Variants in STARD13 observed in about 807,000 individuals in gnomAD.
STARD13 encodes stAR-related lipid transfer protein 13.
A neutral mutation model predicts 106.4 loss-of-function variants in STARD13; 62 were observed. That is an observed-to-expected ratio of 0.58 (90% CI 0.48 to 0.72). STARD13 has a LOEUF of 0.72. STARD13 is among the 30% of genes least tolerant of loss of function. STARD13 has a pLI of 0.00. For synonymous variants in STARD13, 565 were observed against 553.0 expected, an observed-to-expected ratio of 1.02 and a Z score of -0.31; for missense variants, 1,387 against 1,424.0, an observed-to-expected ratio of 0.97 and a Z score of 0.42.
intron 1 of STARD13, among the ~76,000 whole-genome samples, chr13:33,309,540 G>C (rs1393865399): frequency 6.6e-6 from 1 of 152,176 alleles, no homozygotes; most frequent in African/African-American, 2.4e-5. Flanking sequence ...CGCTATTGAG[G>C]CAGAAGGTTT....
intron 12 of STARD13, among the ~76,000 whole-genome samples, chr13:33,108,577 C>G (rs1016790497): frequency 7.9e-5 from 12 of 152,206 alleles, no homozygotes; most frequent in Admixed American, 2.0e-4. Context: ...CCCAAGAGAG[C>G]AGGAGAGGGG....
At chr13:33,669,936 T>G in the STARD13 span, among the ~76,000 whole-genome samples, 56 of 152,332 alleles carry the variant, frequency 3.7e-4, no homozygotes, top group African/African-American at 1.2e-3. Flanking sequence ...TTTACACTTG[T>G]GCAGATTTGA....
chr13:33,271,919 G>A (rs947756103), intron 1 of STARD13, among the ~76,000 whole-genome samples: 2 of 152,116 alleles, frequency 1.3e-5, no homozygotes, highest in African/African-American at 4.8e-5. Flanking sequence ...GAATAACGTG[G>A]GCTCCCAGAT....
At chr13:33,573,408 A>G in the STARD13 span, among the ~76,000 whole-genome samples, 2 of 152,184 alleles carry the variant, frequency 1.3e-5, no homozygotes, top group African/African-American at 4.8e-5. Context: ...TTGATGCTGT[A>G]TATATGCAAA....
At chr13:33,164,807 A>G (rs1883132535) in intron 3 of STARD13, among the ~76,000 whole-genome samples, 1 of 152,206 alleles carries the variant, frequency 6.6e-6, no homozygotes, top group Admixed American at 6.5e-5. Context: ...CTAATAGCTT[A>G]AATAGGCCAG....
intron 1 of STARD13, among the ~76,000 whole-genome samples, chr13:33,297,202 T>G (rs368594546): frequency 2.0e-5 from 3 of 152,376 alleles, no homozygotes; most frequent in African/African-American, 7.2e-5. Context: ...ATAATCACAC[T>G]GTGTCTTATA....
intron 3 of STARD13, among the ~76,000 whole-genome samples, chr13:33,147,641 C>T (rs1880727625): frequency 6.6e-6 from 1 of 152,038 alleles, no homozygotes; most frequent in Non-Finnish European, 1.5e-5. Flanking sequence ...TCAAGAGGTG[C>T]CATATTACAA....
At position 33,112,849 on chromosome 13, in the gene STARD13, C is replaced by G; in HGVS notation, c.2364G>C (p.Thr788=). Residue 788 remains threonine, a synonymous_variant, in exon 9 of 14, where the codon ACG becomes ACC. Transcript: ENST00000336934. ...CGACGTCGTTCAGGAAACACAAGAG[C>G]GTCTGCAGGACCTCCCTGTTCTCAT... ...LADENREVLQ[T]LLCFLNDVVN... 1.9e-6 allele frequency: 3 copies of G among 1,613,984 alleles called. No individual in the cohort carries two copies. Among genetic ancestry groups the G allele is most frequent in the South Asian group, 1.1e-5 (1 of 90,974 alleles).
At chr13:33,346,076 T>G (rs1204034160), downstream of STARD13, among the ~76,000 whole-genome samples, 2 of 152,228 alleles carry the variant, frequency 1.3e-5, no homozygotes, top group Non-Finnish European at 2.9e-5. Flanking sequence ...ATTTCTGTCT[T>G]GAGTGCATGC....
At chr13:33,552,220 A>G in the STARD13 span, among the ~76,000 whole-genome samples, 1,800 of 152,298 alleles carry the variant, frequency 0.012, 27 homozygotes, top group African/African-American at 0.041. Context: ...ATAATTGATG[A>G]ACAACTAGAT....
intron 1 of STARD13, among the ~76,000 whole-genome samples, chr13:33,323,673 A>G (rs879609025): frequency 2.5e-4 from 38 of 152,312 alleles, no homozygotes; most frequent in Middle Eastern, 3.4e-3. Flanking sequence ...TCTATACTTT[A>G]AACTTGATTC....
chr13:33,516,236 A>G, the STARD13 span, among the ~76,000 whole-genome samples: 1 of 148,472 alleles, frequency 6.7e-6, no homozygotes, highest in African/African-American at 2.4e-5. Flanking sequence ...ATAATTCATT[A>G]TAATTCATAA....
the STARD13 span, among the ~76,000 whole-genome samples, chr13:33,469,564 C>T: frequency 6.6e-6 from 1 of 151,968 alleles, no homozygotes; most frequent in Non-Finnish European, 1.5e-5. Flanking sequence ...CCAGGTACTC[C>T]CATAGACATT....
the STARD13 span, among the ~76,000 whole-genome samples, chr13:33,363,784 A>T: frequency 6.6e-6 from 1 of 152,208 alleles, no homozygotes; most frequent in Non-Finnish European, 1.5e-5. Flanking sequence ...TAATGTCTGC[A>T]TCCCTAGTAG....
At chr13:33,115,688 G>T (rs940024797) in intron 8 of STARD13, among the ~76,000 whole-genome samples, 15 of 152,118 alleles carry the variant, frequency 9.9e-5, no homozygotes, top group African/African-American at 3.6e-4. Flanking sequence ...TGGTTTAAGG[G>T]GGAAGCTGTA....
the STARD13 span, among the ~76,000 whole-genome samples, chr13:33,440,049 A>G: frequency 6.6e-6 from 1 of 152,134 alleles, no homozygotes; most frequent in African/African-American, 2.4e-5. Context: ...CCTAGGTGGG[A>G]GTTCCAGGCT....
chr13:33,556,857 G>A, the STARD13 span, among the ~76,000 whole-genome samples: 1 of 151,960 alleles, frequency 6.6e-6, no homozygotes, highest in African/African-American at 2.4e-5. Flanking sequence ...GGGTTCAAGC[G>A]ATCCTCCCAC....
At chr13:33,232,896 A>G (rs1888994689) in intron 1 of STARD13, among the ~76,000 whole-genome samples, 1 of 152,208 alleles carries the variant, frequency 6.6e-6, no homozygotes, top group African/African-American at 2.4e-5. Flanking sequence ...TCCCAATTTT[A>G]GTCCATTACT....
At chr13:33,348,999 C>A in exon 2 of STARD13, 1 of 629,554 alleles carries the variant, frequency 1.6e-6, no homozygotes, top group Admixed American at 2.4e-5. Flanking sequence ...AGAATGCTTT[C>A]AGGCTGATGA....
Sources: gnomAD v4.1 joint callset for allele counts (sites outside exome capture counted in the v4.1 genomes callset) on GRCh38, gnomAD v4.1.1 for gene constraint, MANE v1.5 for transcripts, NCBI Gene and HGNC (gene_info 2026-07-23, HGNC 2026-07-21) for gene names.